The following ZMIZ1 variants were observed in gnomAD, a reference collection of about 807,000 sequenced individuals.
ZMIZ1 encodes zinc finger MIZ-type containing 1.
Under a neutral mutation model 113.9 loss-of-function variants are expected in ZMIZ1, and 17 were observed. The observed-to-expected ratio is 0.15, with a 90% confidence interval of 0.10 to 0.22. The LOEUF is 0.22. Ranked by LOEUF, ZMIZ1 falls within the 10% of genes least tolerant of loss-of-function variation. The pLI is 1.00. For synonymous variants in ZMIZ1, 607 were observed against 603.1 expected (o/e 1.01, Z -0.09); for missense variants, 1,059 against 1,477.8 (o/e 0.72, Z 4.65).
At chr10:79,138,085 C>T (rs1196464596) in intron 2 of ZMIZ1, among the ~76,000 whole-genome samples, 5 of 152,216 alleles carry the variant, frequency 3.3e-5, no homozygotes, top group Admixed American at 6.5e-5. Context: ...GGCACTGGGC[C>T]AGGGGCCCAG....
chr10:79,285,659 T>A (rs1488713540), intron 8 of ZMIZ1: 3 of 445,922 alleles, frequency 6.7e-6, no homozygotes, highest in Non-Finnish European at 1.4e-5. Flanking sequence ...TGGCACATTT[T>A]TTTGTTTAGC....
intron 4 of ZMIZ1, among the ~76,000 whole-genome samples, chr10:79,180,654 C>T (rs896321461): frequency 6.6e-6 from 1 of 152,232 alleles, no homozygotes; most frequent in African/African-American, 2.4e-5. Flanking sequence ...CAAGCAAACA[C>T]CACCACCTTC....
chr10:79,242,256 A>G (rs1034132400), intron 7 of ZMIZ1, among the ~76,000 whole-genome samples: 1 of 152,058 alleles, frequency 6.6e-6, no homozygotes, highest in African/African-American at 2.4e-5. Context: ...CACAGGATGC[A>G]ATGTCAGGAA....
chr10:79,139,157 G>C lies in ZMIZ1; in HGVS notation c.-226-525G>C, dbSNP rs899241613. Among the ~76,000 whole-genome samples the C allele has an allele frequency of 2.6e-5, 4 of 152,204 alleles. No homozygotes were observed. The South Asian group carries it at 8.3e-4, about 32-fold the overall frequency. On this transcript the variant is annotated intron_variant, in intron 2 of 24. Coordinates refer to ENST00000334512, the MANE Select transcript of ZMIZ1 (RefSeq NM_020338.4). ...GTGCGTACACACATAAAATGGCTCC[G>C]AGTGTTGGTCAGGGATCTGGTGAGC...
At chr10:79,198,501 T>C (rs189351313) in intron 4 of ZMIZ1, among the ~76,000 whole-genome samples, 13 of 151,424 alleles carry the variant, frequency 8.6e-5, no homozygotes, top group Admixed American at 7.9e-4. Flanking sequence ...GGGTGTGACA[T>C]GTGTGATAGG....
chr10:79,163,227 C>A (rs1051835904), intron 4 of ZMIZ1, among the ~76,000 whole-genome samples: 6 of 152,220 alleles, frequency 3.9e-5, no homozygotes, highest in African/African-American at 1.4e-4. Flanking sequence ...CCTCCTGGAG[C>A]TTAGCGCTTC....
At chr10:79,233,469 C>G (rs1245148516) in intron 7 of ZMIZ1, among the ~76,000 whole-genome samples, 1 of 152,238 alleles carries the variant, frequency 6.6e-6, no homozygotes, top group Middle Eastern at 3.2e-3. Context: ...GCCCTCAAGC[C>G]TCTTTCATAA....
At chr10:79,126,911 C>G (rs1844535723) in intron 2 of ZMIZ1, among the ~76,000 whole-genome samples, 2 of 152,292 alleles carry the variant, frequency 1.3e-5, no homozygotes, top group South Asian at 4.1e-4. Flanking sequence ...CAAGGCTTCT[C>G]CCCAGTGGAG....
At chr10:79,193,526 C>T (rs1427785815) in intron 4 of ZMIZ1, among the ~76,000 whole-genome samples, 1 of 152,194 alleles carries the variant, frequency 6.6e-6, no homozygotes, top group Non-Finnish European at 1.5e-5. Flanking sequence ...CGTGCGTCCA[C>T]CTGCCTGTTC....
chr10:79,309,859 C>T (rs922150683), intron 23 of ZMIZ1, among the ~76,000 whole-genome samples: 1 of 152,168 alleles, frequency 6.6e-6, no homozygotes, highest in African/African-American at 2.4e-5. Flanking sequence ...CTGGAGCATC[C>T]GTGAGCCCCT....
At chr10:79,297,818 C>G (rs1330035632) in intron 14 of ZMIZ1, 128 bp downstream of exon 14, 3 of 751,062 alleles carry the variant, frequency 4.0e-6, no homozygotes, top group Non-Finnish European at 6.7e-6. Context: ...ACTCCCTGGT[C>G]CCCTGTCCTG....
At chr10:79,164,555 T>A (rs1846243155) in intron 4 of ZMIZ1, among the ~76,000 whole-genome samples, 1 of 152,232 alleles carries the variant, frequency 6.6e-6, no homozygotes, top group Admixed American at 6.5e-5. Flanking sequence ...GGGCCAGTTC[T>A]GTCACTTTCC....
intron 7 of ZMIZ1, among the ~76,000 whole-genome samples, chr10:79,267,297 AGCATCT>A (rs1416796668): frequency 3.3e-5 from 5 of 152,198 alleles, no homozygotes; most frequent in African/African-American, 4.8e-5. Flanking sequence ...GGCACTCCTG[AGCATCT>A]GCATGATTTT....
At chr10:79,129,640 G>A (rs1844665824) in intron 2 of ZMIZ1, among the ~76,000 whole-genome samples, 3 of 152,210 alleles carry the variant, frequency 2.0e-5, no homozygotes, top group Admixed American at 6.5e-5. Flanking sequence ...GCAGTTGTCT[G>A]GTGGACTCTG....
Position 79,118,243 on chromosome 10 carries a change from C to T in ZMIZ1, c.-336-672C>T, listed in dbSNP as rs1171282754. On this transcript the variant is annotated intron_variant, in intron 1 of 24. Transcript: ENST00000334512. The surrounding 1 kb of genome is among the most constrained non-coding windows in gnomAD (Gnocchi z 4.1). ...TAGAGGAAGGGATGGGGGGAGGCCTCCTGACTTCAGTCAGCCCATGTTTTT... is the reference window on the plus strand; with the variant it reads ...TAGAGGAAGGGATGGGGGGAGGCCTTCTGACTTCAGTCAGCCCATGTTTTT... 1.3e-5 allele frequency among the ~76,000 whole-genome samples: 2 copies of T among 152,196 alleles called. No homozygotes were observed. Among genetic ancestry groups the T allele is most frequent in the Admixed American group, 6.5e-5 (1 of 15,284 alleles).
rs764682982 is a variant in ZMIZ1, at chr10:79,307,487, G to A, written c.2751G>A (p.Gly917=). The A allele has an allele frequency of 3.1e-6, 5 of 1,604,988 alleles. No homozygotes were observed. Among genetic ancestry groups the A allele is most frequent in the Non-Finnish European group, 4.3e-6 (5 of 1,173,504 alleles). Residue 917 remains glycine, a synonymous_variant, in exon 23 of 25, where the codon GGG becomes GGA. Transcript: ENST00000334512. ...GGTSMNDFMH[G]PPQLSHPPDM... Reference sequence around the variant, plus strand: ...CATCCATGAATGACTTCATGCACGGGCCCCCCCAGCTCTCCCACCCCCCGG... The same window carrying A: ...CATCCATGAATGACTTCATGCACGGACCCCCCCAGCTCTCCCACCCCCCGG...
chr10:79,097,833 C>A (rs1207880497), intron 1 of ZMIZ1, among the ~76,000 whole-genome samples: 1 of 110,752 alleles, frequency 9.0e-6, no homozygotes, highest in Non-Finnish European at 2.2e-5. Flanking sequence ...GCTAACTGCA[C>A]CCCCCCACCC....
rs1047684472 is a variant in ZMIZ1 at position 79,091,819 on chromosome 10, G to A, written c.-337+22549G>A. ...GGACCCCAGAAGGAAGCCAGGGTTAGGAGGGAACACTTATTCTAGAAGTGG... is the reference window on the plus strand; with the variant it reads ...GGACCCCAGAAGGAAGCCAGGGTTAAGAGGGAACACTTATTCTAGAAGTGG... On this transcript the variant is annotated intron_variant, in intron 1 of 24. Transcript: ENST00000334512. Among the ~76,000 whole-genome samples, 12 of 152,152 alleles carry A rather than the reference G, an allele frequency of 7.9e-5. No homozygotes were observed. The East Asian group carries it at 1.5e-3, about 20-fold the overall frequency.
In ZMIZ1 at chr10:79,191,814, A is replaced by G. The variant is rs532525545; in HGVS notation, c.-49-9770A>G. Among the ~76,000 whole-genome samples the G allele has an allele frequency of 1.3e-4, 20 of 152,336 alleles. No individual in the cohort carries two copies. In the South Asian group the frequency reaches 3.7e-3, roughly 28 times the overall value. Reference sequence around the variant, plus strand: ...CTAAGCAAATCATTGCACCTCTCAGAGGCTCAGTTTCTTCATCTGTAGTAG... The same window carrying G: ...CTAAGCAAATCATTGCACCTCTCAGGGGCTCAGTTTCTTCATCTGTAGTAG... On this transcript the variant is annotated intron_variant, in intron 4 of 24. Transcript: ENST00000334512.
Sources: gnomAD v4.1 joint callset for allele counts (sites outside exome capture counted in the v4.1 genomes callset) on GRCh38, gnomAD v4.1.1 for gene constraint, Gnocchi (gnomAD v3.1) non-coding constraint, MANE v1.5 for transcripts, NCBI Gene and HGNC (gene_info 2026-07-23, HGNC 2026-07-21) for gene names.